PRKCZ: variants seen among roughly 807,000 people sequenced by gnomAD.
PRKCZ encodes protein kinase C zeta, also known as protein kinase C zeta type.
A neutral mutation model predicts 79.5 loss-of-function variants in PRKCZ; 33 were observed. That is an observed-to-expected ratio of 0.41 (90% CI 0.31 to 0.55). The LOEUF is 0.55. Ranked by LOEUF, PRKCZ falls within the 20% of genes least tolerant of loss-of-function variation. The pLI is 0.19. For missense variants in PRKCZ, 578 were observed against 813.5 expected (o/e 0.71, Z 3.52); for synonymous variants, 342 against 320.9 (o/e 1.07, Z -0.70).
At chr1:2,086,005 G>T (rs1664459031) in intron 4 of PRKCZ, among the ~76,000 whole-genome samples, 1 of 151,116 alleles carries the variant, frequency 6.6e-6, no homozygotes, top group African/African-American at 2.4e-5. Context: ...AAGGAATCTT[G>T]ATCCTAATGT....
chr1:2,182,114 A>G, intron 16 of PRKCZ: 1 of 288,970 alleles, frequency 3.5e-6, no homozygotes, highest in Non-Finnish European at 7.0e-6. Context: ...AGTAGATGCC[A>G]TGTTAGTAGA....
intron 4 of PRKCZ, among the ~76,000 whole-genome samples, chr1:2,121,777 C>T (rs1184949409): frequency 2.8e-3 from 11 of 3,898 alleles, no homozygotes; most frequent in African/African-American, 3.8e-3. Flanking sequence ...GTTAGGGTCA[C>T]GGTGGTGGTT....
intron 4 of PRKCZ, among the ~76,000 whole-genome samples, chr1:2,122,019 GTCGTGGTAGTTAGGT>G (rs1202630574): frequency 1.2e-4 from 2 of 17,330 alleles, no homozygotes; most frequent in African/African-American, 1.8e-4. Flanking sequence ...GGTGGTTAGG[GTCGTGGTAGTTAGGT>G]TCATGGTGGT....
rs1339590118 is a variant in PRKCZ, at chr1:2,173,602, C to T, written c.1286-295C>T. Reference sequence around the variant, plus strand: ...GCAGAAACGAGAGAGGAGGGTCGTCCGCAGGTTCCACCAGTGCCTCGTGCC... The same window carrying T: ...GCAGAAACGAGAGAGGAGGGTCGTCTGCAGGTTCCACCAGTGCCTCGTGCC... On this transcript the variant is annotated intron_variant, in intron 13 of 17. Transcript: ENST00000378567. This position sits in a 1 kb window ranked among gnomAD's most constrained non-coding sequence, Gnocchi z 5.7. 1.3e-5 allele frequency among the ~76,000 whole-genome samples: 2 copies of T among 152,322 alleles called. No homozygotes were observed. The highest frequency in any genetic ancestry group is 4.8e-5 in the African/African-American group (2 of 41,574).
At chr1:2,089,550 C>T (rs923642984) in intron 4 of PRKCZ, among the ~76,000 whole-genome samples, 1 of 152,164 alleles carries the variant, frequency 6.6e-6, no homozygotes, top group Admixed American at 6.5e-5. Flanking sequence ...AGAGCCTTCT[C>T]AGAGTCTTCT....
chr1:2,096,171 C>T (rs953878404), intron 4 of PRKCZ, among the ~76,000 whole-genome samples: 5 of 151,962 alleles, frequency 3.3e-5, no homozygotes, highest in African/African-American at 1.2e-4. Flanking sequence ...CTGGTCCTCC[C>T]TGCGTCTGGC....
In PRKCZ at chr1:2,157,477, G is replaced by A. The variant is rs262655; in HGVS notation, c.974+1385G>A. 9.8e-3 allele frequency among the ~76,000 whole-genome samples: 1,496 copies of A among 152,142 alleles called. 18 individuals carry two copies. The highest frequency in any genetic ancestry group is 0.034 in the African/African-American group (1,419 of 41,480). On this transcript the variant is annotated intron_variant, in intron 10 of 17. Coordinates refer to ENST00000378567, the MANE Select transcript of PRKCZ (RefSeq NM_002744.6). ...CTATCACCCAGGCTGGAGTGCAGTGGCAACATCTTGGCTCACTGCAGTCAC... is the reference window on the plus strand; with the variant it reads ...CTATCACCCAGGCTGGAGTGCAGTGACAACATCTTGGCTCACTGCAGTCAC...
intron 11 of PRKCZ, among the ~76,000 whole-genome samples, chr1:2,170,931 G>A (rs1212317653): frequency 1.3e-5 from 2 of 152,260 alleles, no homozygotes. Flanking sequence ...TGTTGGCCAT[G>A]GTGAACAGTG....
At chr1:2,156,486 T>G (rs1681073822) in intron 10 of PRKCZ, 1 of 212,282 alleles carries the variant, frequency 4.7e-6, no homozygotes, top group South Asian at 7.0e-5. Flanking sequence ...ATCTAGGATA[T>G]TAAATGTATG....
intron 8 of PRKCZ, among the ~76,000 whole-genome samples, chr1:2,150,203 C>A (rs3107126): frequency 0.15 from 22,765 of 151,072 alleles, 2,404 homozygotes; most frequent in African/African-American, 0.3. Context: ...TTTTGCCGCA[C>A]AGAACAGCAC....
intron 10 of PRKCZ, among the ~76,000 whole-genome samples, chr1:2,160,225 A>C (rs1054639123): frequency 7.3e-6 from 1 of 137,228 alleles, no homozygotes; most frequent in African/African-American, 3.2e-5. Context: ...AAAGCACTTC[A>C]CCCAGCAGTG....
rs1358831578 is a variant in PRKCZ, at chr1:2,051,004, C to T, written c.71+303C>T. The T allele has an allele frequency of 1.6e-5, 5 of 312,352 alleles. No individual in the cohort carries two copies. In the East Asian group the frequency reaches 2.5e-4, roughly 16 times the overall value. 19.3% of individuals were successfully genotyped at this position (312,352 alleles called of 1,614,324 possible). On this transcript the variant is annotated intron_variant, in intron 1 of 17. Coordinates refer to ENST00000378567, the MANE Select transcript of PRKCZ (RefSeq NM_002744.6). ...GAAAGTTGGGCGGGGACGTTCCGGC[C>T]GCAAACCTGTAAGGACTGAAAGTTT...
chr1:2,085,949 G>A (rs1159674786), intron 4 of PRKCZ, among the ~76,000 whole-genome samples: 3 of 152,130 alleles, frequency 2.0e-5, no homozygotes, highest in Non-Finnish European at 1.5e-5. Context: ...GTCTGGGTTG[G>A]CATCATCCCA....
chr1:2,091,814 G>T (rs1032737747), intron 4 of PRKCZ, among the ~76,000 whole-genome samples: 2 of 152,224 alleles, frequency 1.3e-5, no homozygotes, highest in Non-Finnish European at 2.9e-5. Flanking sequence ...GCAGCAGGGG[G>T]CGTCCGAGGG....
chr1:2,134,225 TC>T (rs770978572), intron 4 of PRKCZ, among the ~76,000 whole-genome samples: 1 of 152,208 alleles, frequency 6.6e-6, no homozygotes, highest in Non-Finnish European at 1.5e-5. Context: ...CTCTGAATCT[TC>T]CATTTAAAGG....
intron 10 of PRKCZ, among the ~76,000 whole-genome samples, chr1:2,158,623 G>C (rs933929154): frequency 6.6e-6 from 1 of 152,232 alleles, no homozygotes; most frequent in African/African-American, 2.4e-5. Context: ...TAAATGGTGA[G>C]GTTCCAAGAA....
intron 10 of PRKCZ, among the ~76,000 whole-genome samples, chr1:2,163,051 A>T (rs1219143303): frequency 2.0e-5 from 3 of 152,196 alleles, no homozygotes; most frequent in Non-Finnish European, 4.4e-5. Context: ...AGCCGCTGCA[A>T]CCAGGTCGTG....
intron 1 of PRKCZ, among the ~76,000 whole-genome samples, chr1:2,052,603 C>T (rs776532253): frequency 6.6e-6 from 1 of 152,076 alleles, no homozygotes; most frequent in Non-Finnish European, 1.5e-5. Context: ...GGTCCTCCTC[C>T]TCTCTGCTGC....
At chr1:2,050,369 C>T (rs1004183038), upstream of PRKCZ, 3 of 168,704 alleles carry the variant, frequency 1.8e-5, no homozygotes, top group Non-Finnish European at 3.8e-5. Context: ...CCGGGACCGC[C>T]CGCCCCGCGG....
Sources: gnomAD v4.1 joint callset for allele counts (sites outside exome capture counted in the v4.1 genomes callset) on GRCh38, gnomAD v4.1.1 for gene constraint, Gnocchi (gnomAD v3.1) non-coding constraint, MANE v1.5 for transcripts, NCBI Gene and HGNC (gene_info 2026-07-23, HGNC 2026-07-21) for gene names.